The following SLC27A6 variants were observed in gnomAD, a reference collection of about 807,000 sequenced individuals.
SLC27A6 encodes long-chain fatty acid transport protein 6.
SLC27A6 carries 74 observed loss-of-function variants against 63.9 expected under a neutral mutation model. The ratio of observed to expected loss-of-function variants is 1.16; its 90% CI spans 0.96 to 1.40. The LOEUF is 1.40. Among genes scored for constraint, SLC27A6 ranks in the 40% most tolerant of loss-of-function variants. The pLI is 0.00. For missense variants in SLC27A6, 794 were observed against 732.9 expected, an observed-to-expected ratio of 1.08 and a Z score of -0.96; for synonymous variants, 287 against 260.8, an observed-to-expected ratio of 1.10 and a Z score of -0.97.
intron 4 of SLC27A6, among the ~76,000 whole-genome samples, chr5:129,013,580 T>C (rs1377294262): frequency 6.6e-6 from 1 of 152,112 alleles, no homozygotes; most frequent in African/African-American, 2.4e-5. Context: ...ATTCTCCCTC[T>C]CTTTTTAATT....
At chr5:128,968,790 G>A (rs1384601484) in intron 1 of SLC27A6, among the ~76,000 whole-genome samples, 2 of 151,946 alleles carry the variant, frequency 1.3e-5, no homozygotes, top group Non-Finnish European at 2.9e-5. Flanking sequence ...TGTCAATTTT[G>A]GCTTTTGTTG....
intron 1 of SLC27A6, among the ~76,000 whole-genome samples, chr5:128,970,981 G>T (rs1448541798): frequency 6.6e-6 from 1 of 152,154 alleles, no homozygotes; most frequent in Non-Finnish European, 1.5e-5. Flanking sequence ...TGGTTTCAAA[G>T]AACAGCTTTA....
In SLC27A6 at chr5:128,995,899, G is replaced by T. The variant is rs78151855; in HGVS notation, c.969+5435G>T. The stretch of plus-strand genomic sequence containing the variant: ...GAAGGAAAGCTAACAAGACTTGTTA[G>T]ATCAAGGATAGGAAGTGAAGGAATG... On this transcript the variant is annotated intron_variant, in intron 4 of 9. Transcript: ENST00000262462. 9.2e-3 allele frequency among the ~76,000 whole-genome samples: 1,397 copies of T among 152,300 alleles called. 15 individuals carry two copies. Among genetic ancestry groups the T allele is most frequent in the African/African-American group, 0.031 (1,290 of 41,564 alleles).
intron 5 of SLC27A6, among the ~76,000 whole-genome samples, chr5:129,017,913 G>C (rs190432102): frequency 9.9e-5 from 15 of 152,202 alleles, no homozygotes; most frequent in African/African-American, 3.4e-4. Flanking sequence ...TAATTCCTCT[G>C]TTACGAACTC....
chr5:128,996,279 T>G (rs1207601324), intron 4 of SLC27A6, among the ~76,000 whole-genome samples: 1 of 151,990 alleles, frequency 6.6e-6, no homozygotes. Context: ...CAAGGCATAG[T>G]CTATACTTAT....
intron 4 of SLC27A6, among the ~76,000 whole-genome samples, chr5:129,012,043 C>T (rs1309115581): frequency 4.6e-5 from 7 of 151,238 alleles, no homozygotes; most frequent in South Asian, 4.2e-4. Flanking sequence ...CACATACATA[C>T]GTGTATTATA....
In SLC27A6 at chr5:129,004,748, G is replaced by A. The variant is rs367699810; in HGVS notation, c.970-11137G>A. ...TTACCAAGATTTGGTTGTATCTTAG[G>A]TGACGTACCACTAATTTCACAGTAT... On this transcript the variant is annotated intron_variant, in intron 4 of 9. Coordinates refer to ENST00000262462, the MANE Select transcript of SLC27A6 (RefSeq NM_001017372.3). Among the ~76,000 whole-genome samples, 20 of 152,246 alleles carry A rather than the reference G, an allele frequency of 1.3e-4. 1 individual carries two copies. The highest frequency in any genetic ancestry group is 4.8e-4 in the African/African-American group (20 of 41,548).
Position 128,985,178 on chromosome 5 carries a change from A to G in SLC27A6, c.527A>G (p.Asn176Ser). 1 of 1,614,016 alleles carries G rather than the reference A, an allele frequency of 6.2e-7. No homozygotes were observed. The highest frequency in any genetic ancestry group is 8.5e-7 in the Non-Finnish European group (1 of 1,179,972). The part of the protein sequence containing the change: ...VEEILPSLSE[N>S]ISVWGMKDSV... ...GAAATCCTTCCAAGCCTCTCAGAAA[A>G]TATCAGTGTTTGGGGGATGAAAGAT... is the stretch of plus-strand genomic sequence containing the variant. The change falls in exon 2 of 10, where the codon AAT (asparagine) becomes AGT (serine). Residue 176 changes from asparagine to serine, a missense_variant. Coordinates refer to ENST00000262462, the MANE Select transcript of SLC27A6 (RefSeq NM_001017372.3).
chr5:128,987,263 T>C (rs764919637), intron 2 of SLC27A6, among the ~76,000 whole-genome samples: 1 of 152,160 alleles, frequency 6.6e-6, no homozygotes, highest in Non-Finnish European at 1.5e-5. Flanking sequence ...ATAGCCCACA[T>C]GTAAAAATTG....
Position 129,033,359 on chromosome 5 carries a change from GA to G in SLC27A6, c.*80del. ...GGTATATGATTCTTTATGAAATGGG[GA>G]AAGGGAGCTAACATTAATTATGCAT... On this transcript the variant is annotated 3_prime_UTR_variant, in exon 10 of 10. Transcript: ENST00000262462. 1 of 811,178 alleles carries G rather than the reference GA, an allele frequency of 1.2e-6. No homozygotes were observed. Among genetic ancestry groups the G allele is most frequent in the Non-Finnish European group, 1.9e-6 (1 of 533,178 alleles). The allele number at this position is 811,178 out of a possible 1,614,324, so 50.2% of individuals were successfully genotyped here. A position where few individuals can be genotyped will look rare whatever the true frequency, so the allele number is the denominator to read the frequency against.
intron 4 of SLC27A6, among the ~76,000 whole-genome samples, chr5:128,993,647 A>C (rs933257635): frequency 2.6e-5 from 4 of 152,118 alleles, no homozygotes; most frequent in Admixed American, 2.6e-4. Context: ...TTTCATATTG[A>C]TTACAAATCT....
At chr5:128,980,724 C>T (rs1007508379) in intron 1 of SLC27A6, among the ~76,000 whole-genome samples, 12 of 152,118 alleles carry the variant, frequency 7.9e-5, no homozygotes, top group African/African-American at 2.7e-4. Context: ...CTAAAGTTAA[C>T]CATTTGTAGC....
chr5:128,986,914 A>G (rs1449629893), intron 2 of SLC27A6, among the ~76,000 whole-genome samples: 1 of 152,162 alleles, frequency 6.6e-6, no homozygotes, highest in African/African-American at 2.4e-5. Flanking sequence ...AGGCTCAGAA[A>G]TTGGGTACCA....
intron 9 of SLC27A6, 75 bp downstream of exon 9, chr5:129,029,782 T>G (rs1353897035): frequency 8.4e-6 from 11 of 1,317,338 alleles, no homozygotes; most frequent in Non-Finnish European, 1.2e-5. Flanking sequence ...AAAATAATAT[T>G]GTATCCTTTA....
intron 8 of SLC27A6, 99 bp downstream of exon 8, chr5:129,028,541 G>A (rs1194086219): frequency 8.5e-6 from 6 of 705,280 alleles, no homozygotes; most frequent in Non-Finnish European, 1.2e-5. Context: ...TTTAATTTTT[G>A]TGTATTAAGA....
At chr5:129,025,702 G>A (rs1294826879) in intron 6 of SLC27A6, among the ~76,000 whole-genome samples, 2 of 152,060 alleles carry the variant, frequency 1.3e-5, no homozygotes, top group African/African-American at 2.4e-5. Flanking sequence ...TTGGTGATAT[G>A]ATGATATGAT....
intron 4 of SLC27A6, among the ~76,000 whole-genome samples, chr5:129,003,135 G>A (rs1219775245): frequency 6.6e-6 from 1 of 151,618 alleles, no homozygotes; most frequent in Non-Finnish European, 1.5e-5. Flanking sequence ...CTGTGCACGA[G>A]AGAGAGAGAG....
At chr5:129,030,272 C>G (rs1310292964) in intron 9 of SLC27A6, among the ~76,000 whole-genome samples, 1 of 152,018 alleles carries the variant, frequency 6.6e-6, no homozygotes, top group Non-Finnish European at 1.5e-5. Context: ...ATTTCCTTAA[C>G]TACTGGGTAA....
At chr5:128,972,494 G>A (rs183450959) in intron 1 of SLC27A6, among the ~76,000 whole-genome samples, 6 of 151,704 alleles carry the variant, frequency 4.0e-5, no homozygotes, top group Non-Finnish European at 5.9e-5. Flanking sequence ...TTCTCTTCTC[G>A]TTTCATTTCA....
Sources: gnomAD v4.1 joint callset for allele counts (sites outside exome capture counted in the v4.1 genomes callset) on GRCh38, gnomAD v4.1.1 for gene constraint, MANE v1.5 for transcripts, NCBI Gene and HGNC (gene_info 2026-07-23, HGNC 2026-07-21) for gene names.